C1QTNF2: variants seen among roughly 807,000 people sequenced by gnomAD.
C1QTNF2 encodes the protein complement C1q tumor necrosis factor-related protein 2.
Under a neutral mutation model 17.4 loss-of-function variants are expected in C1QTNF2, and 15 were observed. The observed-to-expected ratio is 0.86, with a 90% CI of 0.58 to 1.33. The LOEUF (loss-of-function observed/expected upper bound fraction) is 1.33, where lower values mean the gene tolerates loss of function less well. C1QTNF2 is among the 40% of genes most tolerant of loss of function. The pLI, the probability that C1QTNF2 is intolerant of heterozygous loss-of-function variation, is 0.00. For synonymous variants in C1QTNF2, 154 were observed against 163.3 expected (o/e 0.94, Z 0.44); for missense variants, 381 against 392.3 (o/e 0.97, Z 0.24).
chr5:160,354,580 A>AG lies in C1QTNF2; in HGVS notation c.244+187dup, dbSNP rs1313175344. The stretch of plus-strand genomic sequence containing the variant: ...GGCGACAGAGCAAGCCTCTGTCTCA[A>AG]GGGGAAAAAAAAAAAAAGTATATAT... On this transcript the variant is annotated intron_variant, in intron 2 of 2. Transcript: ENST00000652664. Among the ~76,000 whole-genome samples the AG allele has an allele frequency of 1.7e-3, 140 of 82,292 alleles. 5 individuals carry two copies. The highest frequency in any genetic ancestry group is 5.2e-3 in the African/African-American group (119 of 23,034). 54.0% of individuals were successfully genotyped at this position (82,292 alleles called of 152,430 possible). A position where few individuals can be genotyped will look rare whatever the true frequency, so the allele number is the denominator to read the frequency against.
Position 160,349,026 on chromosome 5 carries a change from G to C in C1QTNF2, c.*142C>G. ...TAAAAAGGTTTGGATTTAATGAAGG[G>C]GAAAAAAAGAGGCAGAGGAGGTGAG... On this transcript the variant is annotated 3_prime_UTR_variant, in exon 3 of 3. Transcript: ENST00000652664. The surrounding 1 kb of genome is among the most constrained non-coding windows in gnomAD (Gnocchi z 4.3). The C allele has an allele frequency of 8.1e-6, 8 of 992,430 alleles. No individual in the cohort carries two copies. Among genetic ancestry groups the C allele is most frequent in the Non-Finnish European group, 1.2e-5 (8 of 678,590 alleles). 61.5% of individuals were successfully genotyped at this position (992,430 alleles called of 1,614,324 possible).
intron 2 of C1QTNF2, among the ~76,000 whole-genome samples, 161 bp downstream of exon 2, chr5:160,354,600 ATATATAT>A (rs1201748227): frequency 0.021 from 1,235 of 59,208 alleles, 30 homozygotes; most frequent in African/African-American, 0.04. Context: ...AAAAAAAAGT[ATATATAT>A]ATATATATAT....
chr5:160,349,069 T>C lies in C1QTNF2; in HGVS notation c.*99A>G. On this transcript the variant is annotated 3_prime_UTR_variant, in exon 3 of 3. Coordinates refer to ENST00000652664, the MANE Select transcript of C1QTNF2 (RefSeq NM_031908.6). This position sits in a 1 kb window ranked among gnomAD's most constrained non-coding sequence, Gnocchi z 4.3. ...GAGGTGAGCCTGAGGCTAGAACCGCTCACTCGACCCCCCACCCCCAGCCTA... is the reference window on the plus strand; with the variant it reads ...GAGGTGAGCCTGAGGCTAGAACCGCCCACTCGACCCCCCACCCCCAGCCTA... 1 of 1,453,992 alleles carries C rather than the reference T, an allele frequency of 6.9e-7. No individual in the cohort carries two copies. Among genetic ancestry groups the C allele is most frequent in the Non-Finnish European group, 9.2e-7 (1 of 1,081,448 alleles). The allele number at this position is 1,453,992 out of a possible 1,614,324, so 90.1% of individuals were successfully genotyped here.
intron 1 of C1QTNF2, among the ~76,000 whole-genome samples, chr5:160,361,540 T>C (rs953888162): frequency 6.6e-6 from 1 of 152,212 alleles, no homozygotes; most frequent in African/African-American, 2.4e-5. Context: ...ACTCCGTGGT[T>C]AAGAGCCATG....
rs769987429 is a variant in C1QTNF2 at position 160,349,527 on chromosome 5, T to C, written c.499A>G (p.Ile167Val). The change falls in exon 3 of 3, where the codon ATC becomes GTC. Residue 167 changes from isoleucine to valine, a missense_variant. Physicochemically the swap from Ile to Val is conservative, Grantham distance 29 (BLOSUM62 3). Transcript: ENST00000652664. This position sits in a 1 kb window ranked among gnomAD's most constrained non-coding sequence, Gnocchi z 4.3. ...TTCATCAGAATCTTGTCAAACTTGA[T>C]GGGCAGCCGCTCCCGTGGGTAGCTC... The part of the protein sequence containing the change: ...TKSYPRERLP[I>V]KFDKILMNEG... 1.2e-6 allele frequency: 2 copies of C among 1,613,804 alleles called. No homozygotes were observed. The highest frequency in any genetic ancestry group is 1.7e-6 in the Non-Finnish European group (2 of 1,179,990).
In C1QTNF2 at chr5:160,365,589, A is replaced by G. The variant is rs1183272663; in HGVS notation, c.-10+4923T>C. On this transcript the variant is annotated intron_variant, in intron 1 of 2. Transcript: ENST00000652664. Reference sequence around the variant, plus strand: ...CCCCACCTCACCCCGCCATCTCTACAAAGAAAAAAAAATCAGATACAGGTC... The same window carrying G: ...CCCCACCTCACCCCGCCATCTCTACGAAGAAAAAAAAATCAGATACAGGTC... Among the ~76,000 whole-genome samples, 6 of 152,170 alleles carry G rather than the reference A, an allele frequency of 3.9e-5. No individual in the cohort carries two copies. The East Asian group carries it at 9.7e-4, about 25-fold the overall frequency.
At chr5:160,353,825 AC>A (rs1452906963) in intron 2 of C1QTNF2, among the ~76,000 whole-genome samples, 1 of 93,424 alleles carries the variant, frequency 1.1e-5, no homozygotes, top group East Asian at 3.5e-4. Context: ...TTTTTTTGAG[AC>A]ACTGTCCTGC....
intron 1 of C1QTNF2, chr5:160,355,229 A>G: frequency 3.0e-6 from 3 of 985,024 alleles, no homozygotes; most frequent in Non-Finnish European, 3.6e-6. Flanking sequence ...GTCATTACCC[A>G]GAATACACTT....
At chr5:160,353,663 T>C (rs1362861700) in intron 2 of C1QTNF2, among the ~76,000 whole-genome samples, 2 of 152,082 alleles carry the variant, frequency 1.3e-5, no homozygotes, top group East Asian at 3.9e-4. Context: ...AGCCCAGCAG[T>C]GCTATTTCAG....
chr5:160,355,351 T>G (rs1764028838), intron 1 of C1QTNF2: 2 of 498,852 alleles, frequency 4.0e-6, no homozygotes, highest in South Asian at 1.7e-4. Flanking sequence ...GAGCTGTGAA[T>G]GGAGAGAAAT....
chr5:160,354,688 T>A (rs1764006509), intron 2 of C1QTNF2, 80 bp downstream of exon 2: 2 of 1,521,226 alleles, frequency 1.3e-6, no homozygotes, highest in Non-Finnish European at 1.8e-6. Flanking sequence ...AATACTAGTT[T>A]TATTAACTTC....
At chr5:160,355,060 A>G in intron 1 of C1QTNF2, 40 bp from the exon 2 acceptor site, 1 of 1,491,568 alleles carries the variant, frequency 6.7e-7, no homozygotes, top group Non-Finnish European at 8.9e-7. Context: ...GAGTGTGGCC[A>G]CCAAGCTGAC....
chr5:160,357,800 G>C (rs1246907395), intron 1 of C1QTNF2, among the ~76,000 whole-genome samples: 1 of 151,674 alleles, frequency 6.6e-6, no homozygotes, highest in African/African-American at 2.4e-5. Flanking sequence ...GCAGAAAAGA[G>C]AGCCAGCCGG....
At chr5:160,353,455 G>A (rs767726755) in intron 2 of C1QTNF2, among the ~76,000 whole-genome samples, 7 of 151,960 alleles carry the variant, frequency 4.6e-5, no homozygotes, top group Non-Finnish European at 7.4e-5. Context: ...CGGTCCTAGC[G>A]GGGCTGTCAG....
intron 1 of C1QTNF2, among the ~76,000 whole-genome samples, chr5:160,361,663 C>T (rs939348268): frequency 6.6e-6 from 1 of 152,122 alleles, no homozygotes; most frequent in African/African-American, 2.4e-5. Context: ...TCTATTTAGC[C>T]CAGTGTTTGA....
chr5:160,354,938 C>G lies in C1QTNF2; in HGVS notation c.74G>C (p.Arg25Thr). ...ADPLLGAFAR[R>T]DFRKGSPQLV... ...TTGAGGGGAGCCTTTCCGGAAGTCC[C>G]TGCGAGCAAAGGCGCCAAGCAGTGG... The change falls in exon 2 of 3, where the codon AGG (arginine) becomes ACG (threonine). Residue 25 changes from arginine to threonine, a missense_variant. Arg to Thr is a moderately conservative substitution (Grantham distance 71). Coordinates refer to ENST00000652664, the MANE Select transcript of C1QTNF2 (RefSeq NM_031908.6). 6.3e-7 allele frequency: 1 copy of G among 1,597,678 alleles called. No individual in the cohort carries two copies. The highest frequency in any genetic ancestry group is 1.1e-5 in the South Asian group (1 of 88,334).
At chr5:160,362,799 G>C (rs953404188) in intron 1 of C1QTNF2, among the ~76,000 whole-genome samples, 1 of 152,166 alleles carries the variant, frequency 6.6e-6, no homozygotes, top group East Asian at 1.9e-4. Context: ...TACTGATCGC[G>C]TGACTGTGAA....
rs79912778 is a variant in C1QTNF2, at chr5:160,348,771, C to T, written c.*397G>A. 1,773 of 165,944 alleles carry T rather than the reference C, an allele frequency of 0.011. 35 individuals are homozygous for T. Among genetic ancestry groups the T allele is most frequent in the African/African-American group, 0.041 (1,699 of 41,902 alleles). 10.3% of individuals were successfully genotyped at this position (165,944 alleles called of 1,614,324 possible). A position where few individuals can be genotyped will look rare whatever the true frequency, so the allele number is the denominator to read the frequency against. On this transcript the variant is annotated 3_prime_UTR_variant, in exon 3 of 3. Transcript: ENST00000652664. ...AAAGAAACAAATTTCCACCTCTTCC[C>T]TGTCTCCTGTTATTCCTATTACTGT...
Position 160,368,927 on chromosome 5 carries a change from C to A in C1QTNF2, c.-10+1585G>T, listed in dbSNP as rs973673823. On this transcript the variant is annotated intron_variant, in intron 1 of 2. Coordinates refer to ENST00000652664, the MANE Select transcript of C1QTNF2 (RefSeq NM_031908.6). Reference sequence around the variant, plus strand: ...GAAAAATAATCTCAGTTCATCCATACAATGACACACTATGCCCATTAGAAG... The same window carrying A: ...GAAAAATAATCTCAGTTCATCCATAAAATGACACACTATGCCCATTAGAAG... Among the ~76,000 whole-genome samples the A allele has an allele frequency of 2.6e-4, 39 of 152,134 alleles. 1 individual carries two copies. The highest frequency in any genetic ancestry group is 9.2e-4 in the African/African-American group (38 of 41,420).
Sources: allele counts gnomAD v4.1 joint callset (sites outside exome capture counted in the v4.1 genomes callset), GRCh38; gene constraint gnomAD v4.1.1; non-coding constraint Gnocchi (gnomAD v3.1); transcripts MANE v1.5; gene names NCBI Gene and HGNC (gene_info 2026-07-23, HGNC 2026-07-21).